SPIDR: variants seen among roughly 807,000 people sequenced by gnomAD.
SPIDR encodes scaffold protein involved in DNA repair, also known as DNA repair-scaffolding protein.
SPIDR carries 93 observed loss-of-function variants against 104.6 expected under a neutral mutation model. The observed-to-expected ratio is 0.89, with a 90% CI of 0.75 to 1.06. The LOEUF (loss-of-function observed/expected upper bound fraction) is 1.06, where lower values mean the gene tolerates loss of function less well. Among genes scored for constraint, SPIDR ranks in the 50% least tolerant of loss-of-function variants. SPIDR has a pLI of 0.00. For synonymous variants in SPIDR, 431 were observed against 416.9 expected (o/e 1.03, Z -0.41); for missense variants, 1,154 against 1,111.2 (o/e 1.04, Z -0.55).
intron 8 of SPIDR, among the ~76,000 whole-genome samples, chr8:47,503,646 TA>T (rs2080951298): frequency 6.6e-6 from 1 of 152,236 alleles, no homozygotes; most frequent in Non-Finnish European, 1.5e-5. Flanking sequence ...TTAAGGTTAA[TA>T]TTGTTATGTG....
At chr8:47,734,253 G>A (rs933853570) in intron 19 of SPIDR, among the ~76,000 whole-genome samples, 1 of 152,018 alleles carries the variant, frequency 6.6e-6, no homozygotes, top group Non-Finnish European at 1.5e-5. Context: ...CCAGCTGGAA[G>A]CTGGGCACCT....
intron 10 of SPIDR, among the ~76,000 whole-genome samples, chr8:47,626,317 G>C (rs950278228): frequency 1.7e-4 from 26 of 152,150 alleles, no homozygotes; most frequent in African/African-American, 2.9e-4. Context: ...CCATTCAGGA[G>C]ATAGGCATGG....
chr8:47,416,667 A>C (rs1227545987), intron 7 of SPIDR, among the ~76,000 whole-genome samples: 1 of 152,272 alleles, frequency 6.6e-6, no homozygotes, highest in African/African-American at 2.4e-5. Flanking sequence ...CATGTGCACA[A>C]CATGCAGGTT....
At chr8:47,474,175 G>C (rs1554722523) in intron 8 of SPIDR, among the ~76,000 whole-genome samples, 1 of 152,178 alleles carries the variant, frequency 6.6e-6, no homozygotes. Flanking sequence ...AAACCTGTCT[G>C]ATGAATGATT....
intron 7 of SPIDR, among the ~76,000 whole-genome samples, chr8:47,422,033 C>T (rs764491133): frequency 1.3e-5 from 2 of 152,216 alleles, no homozygotes; most frequent in African/African-American, 4.8e-5. Flanking sequence ...AGGGGTGCCT[C>T]ACAGTTGGGC....
chr8:47,444,092 A>G (rs1433994682), intron 8 of SPIDR, among the ~76,000 whole-genome samples: 2 of 152,244 alleles, frequency 1.3e-5, no homozygotes, highest in Non-Finnish European at 2.9e-5. Flanking sequence ...AATGAATCTC[A>G]TGTCCCATAG....
intron 10 of SPIDR, among the ~76,000 whole-genome samples, chr8:47,610,408 C>T (rs931738925): frequency 3.9e-5 from 6 of 152,200 alleles, no homozygotes; most frequent in Admixed American, 1.3e-4. Flanking sequence ...CACAGTGCCA[C>T]GTGCCTCTGT....
rs550296572 is a variant in SPIDR at position 47,466,961 on chromosome 8, G to A, written c.1097+26419G>A. Among the ~76,000 whole-genome samples the A allele has an allele frequency of 2.8e-5, 4 of 143,612 alleles. No individual in the cohort carries two copies. The South Asian group carries it at 8.7e-4, about 31-fold the overall frequency. The allele number at this position is 143,612 out of a possible 152,430, so 94.2% of individuals were successfully genotyped here. A position where few individuals can be genotyped will look rare whatever the true frequency, so the allele number is the denominator to read the frequency against. ...GATAGATAGATAGATATAAAAAATAGACTGCTAGCTAGACTAAACAGAAGA... is the reference window on the plus strand; with the variant it reads ...GATAGATAGATAGATATAAAAAATAAACTGCTAGCTAGACTAAACAGAAGA... On this transcript the variant is annotated intron_variant, in intron 8 of 19. Transcript: ENST00000297423.
chr8:47,662,760 A>G (rs564886888), intron 10 of SPIDR, among the ~76,000 whole-genome samples: 1 of 152,268 alleles, frequency 6.6e-6, no homozygotes, highest in African/African-American at 2.4e-5. Context: ...CCCAAAATTC[A>G]TATGTTGAAA....
chr8:47,408,517 A>T (rs953842544), intron 7 of SPIDR, among the ~76,000 whole-genome samples: 1 of 152,192 alleles, frequency 6.6e-6, no homozygotes, highest in African/African-American at 2.4e-5. Context: ...AGCTTATATA[A>T]TCAAAACGTT....
intron 1 of SPIDR, among the ~76,000 whole-genome samples, chr8:47,262,326 T>G (rs2154208757): frequency 6.6e-6 from 1 of 152,338 alleles, no homozygotes; most frequent in East Asian, 1.9e-4. Flanking sequence ...GACTCTTTTT[T>G]TTTACTCAAT....
chr8:47,295,232 G>A (rs1385072142), intron 5 of SPIDR, among the ~76,000 whole-genome samples: 1 of 152,040 alleles, frequency 6.6e-6, no homozygotes, highest in African/African-American at 2.4e-5. Flanking sequence ...TATAATAGCT[G>A]TTTTTAATGG....
chr8:47,384,829 G>A (rs1588010184), intron 5 of SPIDR, among the ~76,000 whole-genome samples: 2 of 152,162 alleles, frequency 1.3e-5, no homozygotes, highest in African/African-American at 4.8e-5. Flanking sequence ...TTATCTAGAT[G>A]GCCTAAGAAA....
intron 10 of SPIDR, among the ~76,000 whole-genome samples, chr8:47,624,469 A>G (rs2065684073): frequency 6.6e-6 from 1 of 152,222 alleles, no homozygotes; most frequent in Admixed American, 6.5e-5. Flanking sequence ...GAAAAGATCA[A>G]CAAAATTGAT....
At position 47,595,845 on chromosome 8, in the gene SPIDR, G is replaced by A. The variant is rs766586032; in HGVS notation, c.1132G>A (p.Val378Ile). The part of the protein sequence containing the change: ...KLIIPSGSCP[V>I]ILNTYFCEKV... Reference sequence around the variant, plus strand: ...GATTATTCCAAGTGGAAGTTGCCCTGTTATTCTGAATACTTACTTTTGTGA... The same window carrying A: ...GATTATTCCAAGTGGAAGTTGCCCTATTATTCTGAATACTTACTTTTGTGA... The change falls in exon 9 of 20, where the codon GTT (valine) becomes ATT (isoleucine). Residue 378 changes from valine (V) to isoleucine (I), a missense_variant. Val to Ile is a conservative substitution (Grantham distance 29). Transcript: ENST00000297423. The A allele has an allele frequency of 1.2e-6, 2 of 1,614,146 alleles. No individual in the cohort carries two copies. Among genetic ancestry groups the A allele is most frequent in the South Asian group, 2.2e-5 (2 of 91,052 alleles).
At chr8:47,668,366 GA>G (rs1241399138) in intron 10 of SPIDR, among the ~76,000 whole-genome samples, 1 of 151,860 alleles carries the variant, frequency 6.6e-6, no homozygotes. Flanking sequence ...TACTCAGAAA[GA>G]ATTTGAAATT....
intron 5 of SPIDR, among the ~76,000 whole-genome samples, chr8:47,359,638 C>T (rs782119550): frequency 6.6e-6 from 1 of 152,172 alleles, no homozygotes; most frequent in African/African-American, 2.4e-5. Flanking sequence ...ATTTTGATCA[C>T]TCAGCATTGT....
chr8:47,705,316 G>A (rs970691795), intron 14 of SPIDR, among the ~76,000 whole-genome samples: 10 of 152,196 alleles, frequency 6.6e-5, no homozygotes, highest in Non-Finnish European at 1.5e-4. Context: ...AGCTTTCAGT[G>A]AGCATGGCTT....
intron 8 of SPIDR, among the ~76,000 whole-genome samples, chr8:47,569,529 A>G (rs1397875580): frequency 2.0e-5 from 3 of 152,210 alleles, no homozygotes; most frequent in Admixed American, 6.5e-5. Flanking sequence ...AACAAGTCTT[A>G]ATAAGTTAAA....
Sources: gnomAD v4.1 joint callset for allele counts (sites outside exome capture counted in the v4.1 genomes callset) on GRCh38, gnomAD v4.1.1 for gene constraint, MANE v1.5 for transcripts, NCBI Gene and HGNC (gene_info 2026-07-23, HGNC 2026-07-21) for gene names.